FBXL17: variants seen among roughly 807,000 people sequenced by gnomAD.
FBXL17 encodes the protein F-box/LRR-repeat protein 17.
A neutral mutation model predicts 66.2 loss-of-function variants in FBXL17; 22 were observed. The observed-to-expected ratio is 0.33, with a 90% CI of 0.24 to 0.47. The LOEUF is 0.47. FBXL17 is among the 20% of genes least tolerant of loss of function. The probability of loss-of-function intolerance (pLI) is 1.00; values close to 1 mark genes in which losing one functional copy is unlikely to be tolerated. For missense variants in FBXL17, 878 were observed against 948.2 expected, an observed-to-expected ratio of 0.93 and a Z score of 0.97; for synonymous variants, 474 against 400.5, an observed-to-expected ratio of 1.18 and a Z score of -2.19.
chr5:107,916,259 A>G (rs967659258), intron 7 of FBXL17, among the ~76,000 whole-genome samples: 1 of 152,240 alleles, frequency 6.6e-6, no homozygotes, highest in African/African-American at 2.4e-5. Flanking sequence ...CCATCTAAAC[A>G]TGGTTAAGGT....
At chr5:108,152,412 T>A (rs563448133) in intron 6 of FBXL17, among the ~76,000 whole-genome samples, 1 of 152,172 alleles carries the variant, frequency 6.6e-6, no homozygotes, top group East Asian at 1.9e-4. Context: ...ATTTTTTTTA[T>A]TGTAGAGCTT....
intron 8 of FBXL17, among the ~76,000 whole-genome samples, chr5:107,871,800 G>A (rs1748464193): frequency 6.7e-6 from 1 of 148,642 alleles, no homozygotes; most frequent in Non-Finnish European, 1.5e-5. Flanking sequence ...AATTAATATA[G>A]TCACTAAGTA....
chr5:108,262,066 A>ATTTTTTT (rs1164308201), intron 4 of FBXL17, among the ~76,000 whole-genome samples: 18 of 134,024 alleles, frequency 1.3e-4, no homozygotes, highest in African/African-American at 5.1e-4. Flanking sequence ...TTATTTATTT[A>ATTTTTTT]TTTATTTATT....
chr5:108,331,772 C>T (rs55815935), intron 4 of FBXL17, among the ~76,000 whole-genome samples: 1 of 152,148 alleles, frequency 6.6e-6, no homozygotes. Flanking sequence ...AGTAACTCTT[C>T]TAACCCGTAT....
At chr5:108,154,318 G>T (rs532456999) in intron 6 of FBXL17, among the ~76,000 whole-genome samples, 2 of 145,366 alleles carry the variant, frequency 1.4e-5, no homozygotes, top group African/African-American at 5.0e-5. Flanking sequence ...GATATGCCAG[G>T]CATGGTGGCT....
intron 5 of FBXL17, among the ~76,000 whole-genome samples, chr5:108,218,691 A>AT (rs35729083): frequency 0.3 from 44,994 of 151,658 alleles, 7,119 homozygotes; most frequent in South Asian, 0.42. Flanking sequence ...GACACTGAGC[A>AT]TTTTTTTTCA....
At chr5:108,375,093 C>T (rs1749328235) in intron 1 of FBXL17, among the ~76,000 whole-genome samples, 2 of 152,086 alleles carry the variant, frequency 1.3e-5, no homozygotes, top group Non-Finnish European at 2.9e-5. Context: ...ATGGTTGACA[C>T]CTATAATCCC....
intron 7 of FBXL17, among the ~76,000 whole-genome samples, chr5:107,887,011 G>T (rs545548938): frequency 6.6e-6 from 1 of 151,674 alleles, no homozygotes; most frequent in African/African-American, 2.4e-5. Flanking sequence ...TTAGATACTA[G>T]AACAGACAAA....
chr5:107,932,471 C>A (rs770202888), intron 7 of FBXL17, among the ~76,000 whole-genome samples: 2 of 152,128 alleles, frequency 1.3e-5, no homozygotes, highest in Non-Finnish European at 2.9e-5. Context: ...GTGCTCTTTA[C>A]TACTCAATCT....
At chr5:107,926,135 A>G (rs1224022733) in intron 7 of FBXL17, among the ~76,000 whole-genome samples, 1 of 152,192 alleles carries the variant, frequency 6.6e-6, no homozygotes, top group East Asian at 1.9e-4. Context: ...TAGCTCCTAG[A>G]AAAGTACCTA....
At chr5:108,372,118 A>G (rs1749080734) in intron 1 of FBXL17, among the ~76,000 whole-genome samples, 4 of 152,188 alleles carry the variant, frequency 2.6e-5, no homozygotes, top group African/African-American at 9.7e-5. Context: ...ATCCTGTCCA[A>G]GTGCCACCAA....
intron 4 of FBXL17, among the ~76,000 whole-genome samples, chr5:108,317,162 G>T (rs1297167375): frequency 6.6e-6 from 1 of 151,024 alleles, no homozygotes; most frequent in Admixed American, 6.6e-5. Flanking sequence ...CCACTACAAG[G>T]TTTTATAAAA....
At chr5:108,347,054 T>C (rs1434538121) in intron 4 of FBXL17, among the ~76,000 whole-genome samples, 1 of 152,174 alleles carries the variant, frequency 6.6e-6, no homozygotes, top group East Asian at 1.9e-4. Context: ...CATTTTCAAA[T>C]ACAGACATGC....
chr5:108,232,805 A>T (rs1455988543), intron 4 of FBXL17, among the ~76,000 whole-genome samples: 2 of 105,170 alleles, frequency 1.9e-5, no homozygotes, highest in Middle Eastern at 4.4e-3. Context: ...ATATATATAT[A>T]ATATATACTA....
rs145692672 is a variant in FBXL17 at position 108,004,305 on chromosome 5, C to T, written c.1822+16620G>A. ...ATTTCAGTTAACGAACACTATTTTCCCCATTTTTTAATAAAAAGTAATAAT... is the reference window on the plus strand; with the variant it reads ...ATTTCAGTTAACGAACACTATTTTCTCCATTTTTTAATAAAAAGTAATAAT... On this transcript the variant is annotated intron_variant, in intron 7 of 8. Coordinates refer to ENST00000542267, the MANE Select transcript of FBXL17 (RefSeq NM_001163315.3). Among the ~76,000 whole-genome samples, 306 of 152,040 alleles carry T rather than the reference C, an allele frequency of 2.0e-3. 2 individuals carry two copies. Among genetic ancestry groups the T allele is most frequent in the African/African-American group, 7.0e-3 (289 of 41,470 alleles).
At chr5:108,363,476 A>G (rs1748473069) in intron 3 of FBXL17, among the ~76,000 whole-genome samples, 1 of 151,982 alleles carries the variant, frequency 6.6e-6, no homozygotes, top group African/African-American at 2.4e-5. Context: ...TCAGAATATT[A>G]CCTCACGTGT....
At chr5:108,188,807 G>A (rs555753783) in intron 5 of FBXL17, among the ~76,000 whole-genome samples, 55 of 152,144 alleles carry the variant, frequency 3.6e-4, no homozygotes, top group South Asian at 2.3e-3. Flanking sequence ...CAAACATAGC[G>A]CCTGTTTCCT....
intron 6 of FBXL17, among the ~76,000 whole-genome samples, chr5:108,141,936 T>C (rs1341567374): frequency 6.6e-6 from 1 of 152,234 alleles, no homozygotes; most frequent in Non-Finnish European, 1.5e-5. Flanking sequence ...ACTTGCTCTC[T>C]GATATACTTC....
At chr5:108,292,914 C>T (rs1354586966) in intron 4 of FBXL17, among the ~76,000 whole-genome samples, 1 of 151,862 alleles carries the variant, frequency 6.6e-6, no homozygotes, top group Non-Finnish European at 1.5e-5. Flanking sequence ...CATGGTGAAA[C>T]CCCATCTCTA....
Sources: allele counts gnomAD v4.1 joint callset (sites outside exome capture counted in the v4.1 genomes callset), GRCh38; gene constraint gnomAD v4.1.1; transcripts MANE v1.5; gene names NCBI Gene and HGNC (gene_info 2026-07-23, HGNC 2026-07-21).